Variants in CACUL1 observed in about 807,000 individuals in gnomAD.
CACUL1 encodes CDK2-associated and cullin domain-containing protein 1.
CACUL1 carries 13 observed loss-of-function variants against 45.2 expected under a neutral mutation model. That is an observed-to-expected ratio of 0.29 (90% CI 0.19 to 0.46). CACUL1 has a LOEUF of 0.46. Ranked by LOEUF, CACUL1 falls within the 20% of genes least tolerant of loss-of-function variation. The pLI is 1.00. For synonymous variants in CACUL1, 197 were observed against 174.2 expected (o/e 1.13, Z -1.03); for missense variants, 421 against 471.4 (o/e 0.89, Z 0.99).
intron 1 of CACUL1, among the ~76,000 whole-genome samples, chr10:118,747,689 C>T (rs1845857800): frequency 6.6e-6 from 1 of 152,002 alleles, no homozygotes; most frequent in Admixed American, 6.5e-5. Context: ...AAACAATACA[C>T]ATTGTATGAT....
chr10:118,753,525 C>T (rs1845919495), intron 1 of CACUL1, among the ~76,000 whole-genome samples: 1 of 152,236 alleles, frequency 6.6e-6, no homozygotes. Context: ...CCACCACCGC[C>T]ACGCACACAT....
intron 5 of CACUL1, among the ~76,000 whole-genome samples, chr10:118,696,668 T>C (rs552690556): frequency 1.6e-4 from 24 of 152,156 alleles, no homozygotes; most frequent in Non-Finnish European, 3.2e-4. Context: ...TACGAATTTG[T>C]GTTGGGCAGC....
intron 1 of CACUL1, among the ~76,000 whole-genome samples, chr10:118,751,017 G>T (rs1158310747): frequency 2.6e-5 from 4 of 152,096 alleles, no homozygotes; most frequent in African/African-American, 9.7e-5. Flanking sequence ...ATTTTAATAT[G>T]CATGTCTCTG....
chr10:118,703,839 T>C (rs955964734), intron 4 of CACUL1, among the ~76,000 whole-genome samples: 2 of 152,224 alleles, frequency 1.3e-5, no homozygotes, highest in African/African-American at 4.8e-5. Flanking sequence ...ATCTTTTTTT[T>C]CTATGAACTG....
chr10:118,729,375 G>A lies in CACUL1; in HGVS notation c.517C>T (p.Gln173Ter). Residue 173 changes from glutamine (Q) to a stop codon, truncating the protein, a stop_gained, in exon 3 of 9, where the codon CAG becomes TAG. Coordinates refer to ENST00000369151, the MANE Select transcript of CACUL1 (RefSeq NM_153810.5). LOFTEE classifies it high-confidence loss of function. ...IYSCVYKCVC[Q>*]QHSEQMYSDL... is the part of the protein sequence containing the mutation. ...CTATACATCTGTTCCGAGTGCTGCT[G>A]GCATACACATTTATACACACAACTG... 1 of 1,611,346 alleles carries A rather than the reference G, an allele frequency of 6.2e-7. No individual in the cohort carries two copies. The highest frequency in any genetic ancestry group is 8.5e-7 in the Non-Finnish European group (1 of 1,179,570).
intron 7 of CACUL1, among the ~76,000 whole-genome samples, chr10:118,688,572 G>A (rs187716947): frequency 3.7e-4 from 56 of 152,194 alleles, no homozygotes; most frequent in African/African-American, 1.0e-3. Flanking sequence ...GATTAAGTCC[G>A]GAACGCTCTC....
chr10:118,751,133 T>A (rs905451309), intron 1 of CACUL1, among the ~76,000 whole-genome samples: 1 of 152,340 alleles, frequency 6.6e-6, no homozygotes, highest in Non-Finnish European at 1.5e-5. Context: ...GTTGCTGCCC[T>A]CTTGTTGATG....
intron 1 of CACUL1, among the ~76,000 whole-genome samples, chr10:118,738,378 A>C (rs1215562267): frequency 6.6e-6 from 1 of 152,216 alleles, no homozygotes; most frequent in African/African-American, 2.4e-5. Context: ...CAGATTAAGC[A>C]GAAGTCAGCG....
Position 118,683,639 on chromosome 10 carries a change from G to C in CACUL1, c.*2489C>G, listed in dbSNP as rs1476701973. The C allele has an allele frequency of 6.6e-6, 1 of 152,176 alleles. No individual in the cohort carries two copies. The highest frequency in any genetic ancestry group is 6.5e-5 in the Admixed American group (1 of 15,270). The allele number at this position is 152,176 out of a possible 1,614,324, so 9.4% of individuals were successfully genotyped here. A position where few individuals can be genotyped will look rare whatever the true frequency, so the allele number is the denominator to read the frequency against. On this transcript the variant is annotated 3_prime_UTR_variant, in exon 9 of 9. Transcript: ENST00000369151. ...GAACCCAGGAGGCAGAGGTTGCAGT[G>C]AGCTGAGATTGCACCACTGCACTCC...
intron 3 of CACUL1, among the ~76,000 whole-genome samples, chr10:118,726,907 C>G (rs1187840289): frequency 6.6e-6 from 1 of 152,084 alleles, no homozygotes; most frequent in Admixed American, 6.6e-5. Flanking sequence ...AGCCCTGGAT[C>G]CCCATGTTTT....
chr10:118,677,231 A>G lies in CACUL1; in HGVS notation c.*8897T>C, dbSNP rs1430225478. 1 of 150,746 alleles carries G rather than the reference A, an allele frequency of 6.6e-6. No homozygotes were observed. Among genetic ancestry groups the G allele is most frequent in the South Asian group, 2.1e-4 (1 of 4,788 alleles). 9.3% of individuals were successfully genotyped at this position (150,746 alleles called of 1,614,324 possible). ...TGTTTACCCTGGCATAAGTCTTTTAATTTAATTGCACTTAGAAAGTGATTT... is the reference window on the plus strand; with the variant it reads ...TGTTTACCCTGGCATAAGTCTTTTAGTTTAATTGCACTTAGAAAGTGATTT... On this transcript the variant is annotated 3_prime_UTR_variant, in exon 9 of 9. Transcript: ENST00000369151.
rs1845170158 is a variant in CACUL1 at position 118,683,163 on chromosome 10, T to C, written c.*2965A>G. On this transcript the variant is annotated 3_prime_UTR_variant, in exon 9 of 9. Transcript: ENST00000369151. ...TCTCAAAACAATTATCGATTTACTT[T>C]TACATGTCATTTTTTCAAGATGACT... 6.6e-6 allele frequency: 1 copy of C among 152,134 alleles called. No individual in the cohort carries two copies. Among genetic ancestry groups the C allele is most frequent in the South Asian group, 2.1e-4 (1 of 4,824 alleles). The allele number at this position is 152,134 out of a possible 1,614,324, so 9.4% of individuals were successfully genotyped here. A position where few individuals can be genotyped will look rare whatever the true frequency, so the allele number is the denominator to read the frequency against.
intron 1 of CACUL1, among the ~76,000 whole-genome samples, chr10:118,752,572 G>GTAT (rs1845908864): frequency 6.6e-6 from 1 of 152,312 alleles, no homozygotes; most frequent in South Asian, 2.1e-4. Flanking sequence ...TCTATGCTAA[G>GTAT]TAAAACAGAC....
chr10:118,706,776 T>C (rs1589607021), intron 4 of CACUL1, among the ~76,000 whole-genome samples: 6 of 152,330 alleles, frequency 3.9e-5, no homozygotes, highest in Admixed American at 3.9e-4. Context: ...TTTTGGAAAG[T>C]GCCTTCTAAA....
intron 5 of CACUL1, among the ~76,000 whole-genome samples, chr10:118,699,172 A>G (rs1454468432): frequency 6.6e-6 from 1 of 152,236 alleles, no homozygotes; most frequent in Non-Finnish European, 1.5e-5. Context: ...ACAGTTAAAC[A>G]TTGTCCCTTG....
intron 1 of CACUL1, among the ~76,000 whole-genome samples, chr10:118,746,724 G>A (rs540558023): frequency 2.6e-5 from 4 of 152,222 alleles, no homozygotes; most frequent in South Asian, 2.1e-4. Context: ...AATTTATAGC[G>A]AATTCTTTAA....
At chr10:118,711,405 T>C (rs1324159069) in intron 3 of CACUL1, among the ~76,000 whole-genome samples, 1 of 152,240 alleles carries the variant, frequency 6.6e-6, no homozygotes, top group Non-Finnish European at 1.5e-5. Context: ...AAGCATTCTT[T>C]GTTAACTAAA....
At position 118,746,139 on chromosome 10, in the gene CACUL1, G is replaced by T. The variant is rs568892159; in HGVS notation, c.367+8257C>A. 3.2e-5 allele frequency among the ~76,000 whole-genome samples: 4 copies of T among 123,926 alleles called. No individual in the cohort carries two copies. In the South Asian group the frequency reaches 1.0e-3, roughly 31 times the overall value. The allele number at this position is 123,926 out of a possible 152,430, so 81.3% of individuals were successfully genotyped here. On this transcript the variant is annotated intron_variant, in intron 1 of 8. Coordinates refer to ENST00000369151, the MANE Select transcript of CACUL1 (RefSeq NM_153810.5). ...TGCACTCCAGCCTGGGCAACAGAGC[G>T]AGACACTGTCTCAAAAAAAAAAAAA...
In CACUL1 at chr10:118,726,955, C is replaced by T. The variant is rs1450150347; in HGVS notation, c.597+2340G>A. 9.2e-5 allele frequency among the ~76,000 whole-genome samples: 14 copies of T among 152,110 alleles called. No individual in the cohort carries two copies. The East Asian group carries it at 2.7e-3, about 29-fold the overall frequency. ...GCTGCTATTTAATAATGGTTACAATCGTTATAATCTTATAAAAGGAATCAT... is the reference window on the plus strand; with the variant it reads ...GCTGCTATTTAATAATGGTTACAATTGTTATAATCTTATAAAAGGAATCAT... On this transcript the variant is annotated intron_variant, in intron 3 of 8. Coordinates refer to ENST00000369151, the MANE Select transcript of CACUL1 (RefSeq NM_153810.5).
Sources: gnomAD v4.1 joint callset for allele counts (sites outside exome capture counted in the v4.1 genomes callset) on GRCh38, gnomAD v4.1.1 for gene constraint, MANE v1.5 for transcripts, NCBI Gene and HGNC (gene_info 2026-07-23, HGNC 2026-07-21) for gene names.